CLCN5: variants seen among roughly 807,000 people sequenced by gnomAD.
CLCN5 encodes the protein H(+)/Cl(-) exchange transporter 5.
Under a neutral mutation model 54.0 loss-of-function variants are expected in CLCN5, and 17 were observed. That is an observed-to-expected ratio of 0.31 (90% CI 0.22 to 0.47). The LOEUF (loss-of-function observed/expected upper bound fraction) is 0.47. Ranked by LOEUF, CLCN5 falls within the 20% of genes least tolerant of loss-of-function variation. The pLI is 1.00. For missense variants in CLCN5, 448 were observed against 646.7 expected, an observed-to-expected ratio of 0.69 and a Z score of 3.33; for synonymous variants, 222 against 233.0, an observed-to-expected ratio of 0.95 and a Z score of 0.43.
At chrX:50,009,192 A>G (rs1930362655) in intron 3 of CLCN5, among the ~76,000 whole-genome samples, 1 of 111,869 alleles carries the variant, frequency 8.9e-6, no homozygotes. Flanking sequence ...CTGTGGGAGA[A>G]TGAACTTCAT....
At chrX:49,979,254 TA>T (rs1198967326) in intron 3 of CLCN5, among the ~76,000 whole-genome samples, 2 of 111,599 alleles carry the variant, frequency 1.8e-5, no homozygotes, top group Non-Finnish European at 3.8e-5. Context: ...TTTATTTTAG[TA>T]AAGTCTTGCT....
chrX:50,072,893 T>C (rs1933269231), intron 6 of CLCN5, among the ~76,000 whole-genome samples: 1 of 107,050 alleles, frequency 9.3e-6, no homozygotes, highest in African/African-American at 3.4e-5. Flanking sequence ...TTGGAGACAG[T>C]TTTTTTTTTA....
chrX:50,006,156 G>A (rs1191868145), intron 3 of CLCN5, among the ~76,000 whole-genome samples: 7 of 111,871 alleles, frequency 6.3e-5, no homozygotes, highest in African/African-American at 2.3e-4. Context: ...CTACATCAGG[G>A]TGATCGTGGT....
rs918688103 is a variant in CLCN5, at chrX:50,028,052, A to G, written c.17-14264A>G. ...AGAAGTAATGATAAAATGTTGAGAGAATGGAAGCATTCTGTAGTCATATGA... is the reference window on the plus strand; with the variant it reads ...AGAAGTAATGATAAAATGTTGAGAGGATGGAAGCATTCTGTAGTCATATGA... On this transcript the variant is annotated intron_variant, in intron 3 of 14. Coordinates refer to ENST00000376091, the MANE Select transcript of CLCN5 (RefSeq NM_001127898.4). Among the ~76,000 whole-genome samples, 6 of 111,890 alleles carry G rather than the reference A, an allele frequency of 5.4e-5. No homozygotes were observed. The East Asian group carries it at 1.7e-3, about 32-fold the overall frequency.
At chrX:50,043,981 G>A (rs782183238) in intron 4 of CLCN5, among the ~76,000 whole-genome samples, 1 of 111,889 alleles carries the variant, frequency 8.9e-6, no homozygotes, top group South Asian at 3.7e-4. Context: ...ATAAGACATT[G>A]TAGACACTTT....
intron 3 of CLCN5, among the ~76,000 whole-genome samples, chrX:49,968,930 C>G (rs1206174851): frequency 9.6e-6 from 1 of 104,230 alleles, no homozygotes; most frequent in Non-Finnish European, 1.9e-5. Context: ...TGACAAAGGG[C>G]TAATATCCAG....
chrX:49,927,544 T>G (rs1557168186), intron 3 of CLCN5, among the ~76,000 whole-genome samples: 2 of 112,276 alleles, frequency 1.8e-5, no homozygotes, highest in Admixed American at 9.5e-5. Flanking sequence ...TTCTACTCCA[T>G]TGGTTCTGTC....
Position 50,081,642 on chromosome X carries a change from T to C in CLCN5, c.728T>C (p.Ile243Thr). 1 of 1,202,521 alleles carries C rather than the reference T, an allele frequency of 8.3e-7. No homozygotes were observed. Among genetic ancestry groups the C allele is most frequent in the Non-Finnish European group, 1.1e-6 (1 of 887,326 alleles). Residue 243 changes from isoleucine to threonine, a missense_variant and splice_region_variant, in exon 9 of 15, where the codon ATA becomes ACA. Physicochemically the swap from Ile to Thr is moderately conservative, Grantham distance 89. Transcript: ENST00000376091. Reference protein sequence around the residue: ...PYACGSGIPEIKTILSGFIIR... With the variant: ...PYACGSGIPETKTILSGFIIR... ...AATCTTTCTGTGTTTAACCTGCAGA[T>C]AAAAACTATCTTGAGTGGTTTCATT...
intron 7 of CLCN5, 148 bp from the exon 8 acceptor site, chrX:50,080,446 A>G: frequency 3.8e-6 from 2 of 525,588 alleles, no homozygotes; most frequent in Non-Finnish European, 6.1e-6. Flanking sequence ...GTAGTTGACA[A>G]TTCAGAAAGA....
intron 3 of CLCN5, among the ~76,000 whole-genome samples, chrX:50,002,265 G>A (rs1228303954): frequency 1.8e-5 from 2 of 110,443 alleles, no homozygotes; most frequent in Non-Finnish European, 3.8e-5. Context: ...CATCTGCCCC[G>A]AATGTCTAAT....
chrX:50,045,785 C>T (rs1557187696), intron 4 of CLCN5, among the ~76,000 whole-genome samples: 1 of 112,134 alleles, frequency 8.9e-6, no homozygotes, highest in Non-Finnish European at 1.9e-5. Context: ...ACTTATAGCC[C>T]ACTCTGTAGT....
At chrX:50,019,469 T>TC (rs1491402052) in intron 3 of CLCN5, among the ~76,000 whole-genome samples, 191 of 53,443 alleles carry the variant, frequency 3.6e-3, no homozygotes, top group African/African-American at 0.016. Context: ...TTTTTTTTTC[T>TC]TTTTTTTTTT....
intron 4 of CLCN5, among the ~76,000 whole-genome samples, chrX:50,048,962 C>T (rs782516383): frequency 3.6e-5 from 4 of 110,782 alleles, no homozygotes; most frequent in African/African-American, 6.6e-5. Context: ...CCTGTATCTA[C>T]GGTAAGCTAA....
intron 3 of CLCN5, among the ~76,000 whole-genome samples, chrX:49,974,845 C>A (rs1284711967): frequency 8.9e-6 from 1 of 112,179 alleles, no homozygotes; most frequent in Non-Finnish European, 1.9e-5. Context: ...GGTACCATAA[C>A]TGAGATACTG....
At chrX:50,019,375 A>G (rs1265580189) in intron 3 of CLCN5, among the ~76,000 whole-genome samples, 1 of 109,548 alleles carries the variant, frequency 9.1e-6, no homozygotes, top group African/African-American at 3.3e-5. Flanking sequence ...AATACATACA[A>G]TGTATCACAA....
chrX:49,971,070 G>T (rs1159946787), intron 3 of CLCN5, among the ~76,000 whole-genome samples: 1 of 108,602 alleles, frequency 9.2e-6, no homozygotes, highest in African/African-American at 3.3e-5. Flanking sequence ...ATTTATAAAC[G>T]CAATTGTTTT....
At chrX:50,033,672 A>C (rs1417047526) in intron 3 of CLCN5, among the ~76,000 whole-genome samples, 6 of 111,790 alleles carry the variant, frequency 5.4e-5, no homozygotes, top group Non-Finnish European at 1.1e-4. Context: ...AAACTACTTT[A>C]AAGTTCATAT....
chrX:50,035,667 C>T (rs782055528), intron 3 of CLCN5, among the ~76,000 whole-genome samples: 10 of 112,153 alleles, frequency 8.9e-5, no homozygotes, highest in African/African-American at 2.9e-4. Context: ...GGCATGGAGG[C>T]CTGAAAGTAC....
intron 3 of CLCN5, among the ~76,000 whole-genome samples, chrX:49,929,437 T>C (rs911804219): frequency 5.4e-5 from 6 of 111,996 alleles, no homozygotes; most frequent in Admixed American, 9.5e-5. Flanking sequence ...TGAACACTAC[T>C]TGTGCAGCAG....
Sources: allele counts gnomAD v4.1 joint callset (sites outside exome capture counted in the v4.1 genomes callset), GRCh38; gene constraint gnomAD v4.1.1; transcripts MANE v1.5; gene names NCBI Gene and HGNC (gene_info 2026-07-23, HGNC 2026-07-21).